Variants in L3HYPDH observed in about 807,000 individuals in gnomAD.
L3HYPDH encodes the protein trans-L-3-hydroxyproline dehydratase, also known as trans-3-hydroxy-L-proline dehydratase.
L3HYPDH carries 32 observed loss-of-function variants against 26.5 expected under a neutral mutation model. The observed-to-expected ratio is 1.21, with a 90% CI of 0.91 to 1.62. The LOEUF is 1.62. Ranked by LOEUF, L3HYPDH falls within the 40% of genes most tolerant of loss-of-function variation. The probability of loss-of-function intolerance (pLI) is 0.00; values close to 1 mark genes in which losing one functional copy is unlikely to be tolerated. For synonymous variants in L3HYPDH, 215 were observed against 196.6 expected (o/e 1.09, Z -0.78); for missense variants, 554 against 476.4 (o/e 1.16, Z -1.52).
chr14:59,476,039 T>C (rs1325451941), intron 3 of L3HYPDH, 33 bp from the exon 4 acceptor site: 3 of 1,613,766 alleles, frequency 1.9e-6, no homozygotes, highest in African/African-American at 2.7e-5. Flanking sequence ...AGAATGTTCA[T>C]AGTGTGTTCC....
At chr14:59,470,153 T>C (rs1889277139), downstream of L3HYPDH, among the ~76,000 whole-genome samples, 1 of 152,134 alleles carries the variant, frequency 6.6e-6, no homozygotes, top group African/African-American at 2.4e-5. Context: ...GGTGGAGAGC[T>C]AACAGGCTTT....
At position 59,479,170 on chromosome 14, in the gene L3HYPDH, A is replaced by C. The variant is rs1036126563; in HGVS notation, c.678+12T>G. On this transcript the variant is annotated intron_variant, in intron 2 of 4. Transcript: ENST00000247194. ...AGAAGGGAATTGGTTATGAAGGCAG[A>C]GTATTACTGACCTGAGCTTTCACTG... is the stretch of plus-strand genomic sequence containing the variant. 7.6e-6 allele frequency: 12 copies of C among 1,583,148 alleles called. No homozygotes were observed. Among genetic ancestry groups the C allele is most frequent in the Non-Finnish European group, 9.4e-6 (11 of 1,167,744 alleles).
At chr14:59,481,002 CA>C (rs1261123962) in intron 1 of L3HYPDH, among the ~76,000 whole-genome samples, 2 of 152,096 alleles carry the variant, frequency 1.3e-5, no homozygotes, top group Non-Finnish European at 2.9e-5. Context: ...GGGCATTGGC[CA>C]CCAATCCCGG....
intron 1 of L3HYPDH, chr14:59,483,463 T>G: frequency 1.7e-6 from 2 of 1,185,398 alleles, no homozygotes; most frequent in Non-Finnish European, 2.1e-6. Context: ...TTGGCTGTTC[T>G]TCGCTCTTTC....
intron 1 of L3HYPDH, chr14:59,465,482 C>T: frequency 2.8e-6 from 1 of 359,190 alleles, no homozygotes; most frequent in Non-Finnish European, 5.0e-6. Flanking sequence ...GCGACACCGC[C>T]ACTCCGGAGG....
upstream of L3HYPDH, chr14:59,487,835 A>G (rs1173268456): frequency 1.2e-6 from 2 of 1,612,334 alleles, no homozygotes; most frequent in South Asian, 1.1e-5. Flanking sequence ...AGAGGTTAGC[A>G]CATTTCTATG....
chr14:59,495,087 T>G, the L3HYPDH span: 1 of 1,613,648 alleles, frequency 6.2e-7, no homozygotes, highest in Non-Finnish European at 8.5e-7. Flanking sequence ...TCACCTTACT[T>G]GTGAGTGATC....
the L3HYPDH span, among the ~76,000 whole-genome samples, chr14:59,494,810 T>C: frequency 2.0e-5 from 3 of 152,164 alleles, no homozygotes; most frequent in Non-Finnish European, 2.9e-5. Context: ...AGATGCAGGG[T>C]AGATATAATT....
At chr14:59,485,347 AT>A (rs765133168), upstream of L3HYPDH, 55 of 432,644 alleles carry the variant, frequency 1.3e-4, no homozygotes, top group Non-Finnish European at 2.1e-4. Flanking sequence ...TACAAAAAAA[AT>A]AAGCGCCCAT....
chr14:59,487,497 G>A, upstream of L3HYPDH: 1 of 516,318 alleles, frequency 1.9e-6, no homozygotes, highest in South Asian at 3.2e-5. Context: ...TACAAATATA[G>A]CACATACAAT....
chr14:59,482,648 G>T (rs1890108090), intron 1 of L3HYPDH, among the ~76,000 whole-genome samples: 1 of 152,178 alleles, frequency 6.6e-6, no homozygotes, highest in Admixed American at 6.5e-5. Context: ...TGGGAAAATG[G>T]CATCAATTTC....
At chr14:59,486,814 A>T (rs767057454), upstream of L3HYPDH, 4 of 1,461,732 alleles carry the variant, frequency 2.7e-6, no homozygotes. Flanking sequence ...GGTAAGTCTT[A>T]TGTTTGTATC....
chr14:59,467,632 A>G (rs546259646), downstream of L3HYPDH, among the ~76,000 whole-genome samples: 66 of 152,192 alleles, frequency 4.3e-4, 1 homozygote, highest in Admixed American at 8.5e-4. Context: ...CAGGACTTCA[A>G]AGATAATCTA....
intron 4 of L3HYPDH, chr14:59,475,085 T>C (rs898337830): frequency 1.3e-5 from 2 of 152,182 alleles, no homozygotes; most frequent in Non-Finnish European, 2.9e-5. Context: ...ATAAGATTCA[T>C]TACTTAGCTG....
the L3HYPDH span, among the ~76,000 whole-genome samples, chr14:59,501,989 A>G: frequency 6.6e-6 from 1 of 152,182 alleles, no homozygotes; most frequent in Non-Finnish European, 1.5e-5. Context: ...TATATTTTCA[A>G]ATATTCTAAA....
chr14:59,473,002 T>C lies in L3HYPDH; in HGVS notation c.1028A>G (p.Asp343Gly), dbSNP rs140326933. Residue 343 changes from aspartate (D) to glycine (G), a missense_variant, in exon 5 of 5, where the codon GAT becomes GGT. Asp to Gly is a moderately conservative substitution (Grantham distance 94). Transcript: ENST00000247194. ...YTGTASFIIE[D>G]DDPLRDGFLL... ...AAATCCATCCCTCAATGGGTCGTCA[T>C]CTTCTATTATAAAGCTTGCTGTACC... 4.4e-5 allele frequency: 71 copies of C among 1,608,468 alleles called. No individual in the cohort carries two copies. In the African/African-American group the frequency reaches 8.5e-4, roughly 19 times the overall value.
chr14:59,466,693 T>A (rs1009726090), intron 1 of L3HYPDH, among the ~76,000 whole-genome samples: 27 of 152,302 alleles, frequency 1.8e-4, no homozygotes, highest in African/African-American at 6.5e-4. Context: ...AGAAAAAATA[T>A]CCTACAGGAA....
At chr14:59,498,821 A>G in the L3HYPDH span, 1 of 1,612,384 alleles carries the variant, frequency 6.2e-7, no homozygotes, top group Non-Finnish European at 8.5e-7. Flanking sequence ...TGGGTTAGGG[A>G]AATCTGATCG....
In L3HYPDH at chr14:59,484,295, G is replaced by A. The variant is rs148292705; in HGVS notation, c.22C>T (p.Pro8Ser). 2.6e-5 allele frequency: 41 copies of A among 1,591,124 alleles called. No homozygotes were observed. The highest frequency in any genetic ancestry group is 3.3e-5 in the Non-Finnish European group (39 of 1,176,120). Residue 8 changes from proline to serine, a missense_variant, in exon 1 of 5, where the codon CCC (proline) becomes TCC (serine). Pro to Ser is a moderately conservative substitution (Grantham distance 74). Coordinates refer to ENST00000247194, the MANE Select transcript of L3HYPDH (RefSeq NM_144581.2). Reference sequence around the variant, plus strand: ...CCTGGATCATGCGGGGGCAGCCGGGGCACCGCCAGCGCGCTCTCCATGGTC... The same window carrying A: ...CCTGGATCATGCGGGGGCAGCCGGGACACCGCCAGCGCGCTCTCCATGGTC... MESALAV[P>S]RLPPHDPGTP...
Sources: allele counts gnomAD v4.1 joint callset (sites outside exome capture counted in the v4.1 genomes callset), GRCh38; gene constraint gnomAD v4.1.1; transcripts MANE v1.5; gene names NCBI Gene and HGNC (gene_info 2026-07-23, HGNC 2026-07-21).